The following CDH20 variants were observed in gnomAD, a reference collection of about 807,000 sequenced individuals.
CDH20 encodes cadherin-20.
In CDH20, 29 loss-of-function variants were observed where a neutral mutation model predicts 74.2. The ratio of observed to expected loss-of-function variants is 0.39; its 90% CI spans 0.29 to 0.53. CDH20 has a LOEUF of 0.53. Ranked by LOEUF, CDH20 falls within the 20% of genes least tolerant of loss-of-function variation. The pLI is 0.69. For synonymous variants in CDH20, 469 were observed against 405.4 expected, an observed-to-expected ratio of 1.16 and a Z score of -1.88; for missense variants, 988 against 1,048.3, an observed-to-expected ratio of 0.94 and a Z score of 0.79.
chr18:61,454,815 G>A (rs1050447650), intron 1 of CDH20, among the ~76,000 whole-genome samples: 2 of 152,196 alleles, frequency 1.3e-5, no homozygotes, highest in African/African-American at 4.8e-5. Flanking sequence ...TGCCCCTGCA[G>A]CATAAAACAG....
intron 1 of CDH20, among the ~76,000 whole-genome samples, chr18:61,417,793 A>G (rs994231404): frequency 4.6e-5 from 7 of 152,130 alleles, no homozygotes; most frequent in Admixed American, 2.0e-4. Context: ...ATTTTTCCAA[A>G]TAACTAAGAG....
chr18:61,453,571 G>A (rs569906699), intron 1 of CDH20, among the ~76,000 whole-genome samples: 22 of 152,258 alleles, frequency 1.4e-4, no homozygotes, highest in South Asian at 1.2e-3. Flanking sequence ...GAGCCACCAC[G>A]CCCAGCCGAT....
chr18:61,333,746 G>C lies in CDH20; in HGVS notation c.-234G>C, dbSNP rs182967387. ...CCCAGCGGGGCACCAGCCGCCCAGT[G>C]GGGGAGGCAGCTACGTGAGCAGAAC... On this transcript the variant is annotated 5_prime_UTR_variant, in exon 1 of 12. Transcript: ENST00000262717. 14 of 153,178 alleles carry C rather than the reference G, an allele frequency of 9.1e-5. No homozygotes were observed. The highest frequency in any genetic ancestry group is 3.1e-4 in the African/African-American group (13 of 41,590). The allele number at this position is 153,178 out of a possible 1,614,324, so 9.5% of individuals were successfully genotyped here. A position where few individuals can be genotyped will look rare whatever the true frequency, so the allele number is the denominator to read the frequency against.
chr18:61,417,915 G>A (rs1912743572), intron 1 of CDH20, among the ~76,000 whole-genome samples: 1 of 152,100 alleles, frequency 6.6e-6, no homozygotes, highest in Non-Finnish European at 1.5e-5. Flanking sequence ...AATATCACAT[G>A]TACCTCATGA....
At chr18:61,448,141 G>C (rs186779049) in intron 1 of CDH20, among the ~76,000 whole-genome samples, 2 of 152,162 alleles carry the variant, frequency 1.3e-5, no homozygotes, top group African/African-American at 4.8e-5. Context: ...CTAAGACAGA[G>C]AACACAATGC....
chr18:61,477,694 T>C (rs2044687712), intron 1 of CDH20, among the ~76,000 whole-genome samples: 1 of 152,146 alleles, frequency 6.6e-6, no homozygotes, highest in Non-Finnish European at 1.5e-5. Flanking sequence ...TATAATTAGC[T>C]CCTTAAGATC....
chr18:61,538,071 G>A (rs897413776), intron 8 of CDH20, among the ~76,000 whole-genome samples: 1 of 152,194 alleles, frequency 6.6e-6, no homozygotes, highest in Non-Finnish European at 1.5e-5. Flanking sequence ...CTCCCCATGA[G>A]TGTCTATGAC....
In CDH20 at chr18:61,528,177, A is replaced by G; in HGVS notation, c.1228A>G (p.Ile410Val). The change falls in exon 7 of 12, where the codon ATC becomes GTC. Residue 410 changes from isoleucine to valine, a missense_variant. By Grantham distance (29) the Ile-to-Val change is conservative. Coordinates refer to ENST00000262717, the MANE Select transcript of CDH20 (RefSeq NM_031891.4). ...TGTGGCGATTGGAACAACCATACAG[A>G]TCATTTCTGCCAAGGACCCAGATGT... ...EDVAIGTTIQ[I>V]ISAKDPDVTN... is the part of the protein sequence containing the mutation. 6.2e-7 allele frequency: 1 copy of G among 1,614,088 alleles called. No homozygotes were observed. Among genetic ancestry groups the G allele is most frequent in the African/African-American group, 1.3e-5 (1 of 75,018 alleles).
At chr18:61,527,895 C>T in intron 6 of CDH20, 72 bp from the exon 7 acceptor site, 1 of 1,468,548 alleles carries the variant, frequency 6.8e-7, no homozygotes, top group Non-Finnish European at 9.5e-7. Context: ...TATTGGGCAT[C>T]CTTTTGAACG....
At chr18:61,549,532 C>T (rs1334350943) in intron 10 of CDH20, among the ~76,000 whole-genome samples, 1 of 152,162 alleles carries the variant, frequency 6.6e-6, no homozygotes, top group East Asian at 1.9e-4. Flanking sequence ...AAGTAATCTG[C>T]CACAGTCACA....
intron 7 of CDH20, among the ~76,000 whole-genome samples, chr18:61,532,825 A>G (rs569633709): frequency 1.3e-5 from 2 of 152,344 alleles, no homozygotes; most frequent in African/African-American, 4.8e-5. Context: ...ACTTTAAATC[A>G]AATTTTGAAC....
At chr18:61,485,361 G>A (rs1910721927) in intron 1 of CDH20, among the ~76,000 whole-genome samples, 1 of 152,158 alleles carries the variant, frequency 6.6e-6, no homozygotes, top group Non-Finnish European at 1.5e-5. Context: ...TGGTGAAGCA[G>A]GTGAGAGTTA....
At chr18:61,420,357 C>CTT (rs60607711) in intron 1 of CDH20, among the ~76,000 whole-genome samples, 10 of 135,182 alleles carry the variant, frequency 7.4e-5, no homozygotes, top group South Asian at 2.4e-4. Flanking sequence ...TCTTCACAGG[C>CTT]TTTTTTTTTT....
intron 4 of CDH20, 63 bp from the exon 5 acceptor site, chr18:61,502,890 C>T: frequency 4.3e-6 from 6 of 1,405,010 alleles, no homozygotes; most frequent in Non-Finnish European, 5.8e-6. Flanking sequence ...CACCTAGAAA[C>T]CAATCTTTAA....
At chr18:61,533,479 T>C (rs1244909787) in intron 7 of CDH20, among the ~76,000 whole-genome samples, 1 of 152,224 alleles carries the variant, frequency 6.6e-6, no homozygotes, top group African/African-American at 2.4e-5. Context: ...TTACTGGTCT[T>C]TTAAAAACAG....
At chr18:61,470,719 T>C (rs1001220286) in intron 1 of CDH20, among the ~76,000 whole-genome samples, 3 of 152,162 alleles carry the variant, frequency 2.0e-5, no homozygotes. Context: ...CACAGAACAG[T>C]AGATCACTGA....
chr18:61,468,634 TTAGA>T (rs777518788), intron 1 of CDH20, among the ~76,000 whole-genome samples: 13 of 152,196 alleles, frequency 8.5e-5, no homozygotes, highest in African/African-American at 1.2e-4. Context: ...TGCAACTGGC[TTAGA>T]TAATGTACTG....
At chr18:61,396,530 G>A (rs1911983867) in intron 1 of CDH20, among the ~76,000 whole-genome samples, 2 of 152,102 alleles carry the variant, frequency 1.3e-5, no homozygotes, top group Non-Finnish European at 2.9e-5. Flanking sequence ...TAGGAATGGA[G>A]CTCCTTTCTG....
rs574891995 is a variant in CDH20 at position 61,353,669 on chromosome 18, G to A, written c.-153+19842G>A. Among the ~76,000 whole-genome samples the A allele has an allele frequency of 6.6e-5, 10 of 152,150 alleles. No homozygotes were observed. Among genetic ancestry groups the A allele is most frequent in the South Asian group, 6.2e-4 (3 of 4,808 alleles). ...GACCACCACCTATCAAATGCCCTTC[G>A]ACCAACTCCAAACCCACTGAGATCA... On this transcript the variant is annotated intron_variant, in intron 1 of 11. Transcript: ENST00000262717. The surrounding 1 kb of genome is among the most constrained non-coding windows in gnomAD (Gnocchi z 4.6).
Sources: gnomAD v4.1 joint callset for allele counts (sites outside exome capture counted in the v4.1 genomes callset) on GRCh38, gnomAD v4.1.1 for gene constraint, Gnocchi (gnomAD v3.1) non-coding constraint, MANE v1.5 for transcripts, NCBI Gene and HGNC (gene_info 2026-07-23, HGNC 2026-07-21) for gene names.